Variants in CASP10 observed in about 807,000 individuals in gnomAD.
The protein encoded by CASP10 is caspase-10.
CASP10 carries 41 observed loss-of-function variants against 48.5 expected under a neutral mutation model. The observed-to-expected ratio is 0.85, with a 90% CI of 0.66 to 1.10. The LOEUF is 1.10. Among genes scored for constraint, CASP10 ranks in the 50% least tolerant of loss-of-function variants. CASP10 has a pLI of 0.00. For missense variants in CASP10, 614 were observed against 614.5 expected, an observed-to-expected ratio of 1.00 and a Z score of 0.01; for synonymous variants, 232 against 238.4, an observed-to-expected ratio of 0.97 and a Z score of 0.25.
downstream of CASP10, among the ~76,000 whole-genome samples, chr2:201,225,134 T>C (rs1945771987): frequency 6.6e-6 from 1 of 152,186 alleles, no homozygotes; most frequent in Non-Finnish European, 1.5e-5. Context: ...TTCAAGGATC[T>C]TCAGTGCCAC....
At chr2:201,207,928 A>G (rs891129907) in intron 7 of CASP10, 147 bp from the exon 8 acceptor site, 1 of 684,820 alleles carries the variant, frequency 1.5e-6, no homozygotes, top group Admixed American at 2.2e-5. Flanking sequence ...ACAAAATAAC[A>G]ACAACAACAA....
downstream of CASP10, among the ~76,000 whole-genome samples, chr2:201,222,225 T>C: frequency 6.6e-6 from 1 of 151,144 alleles, no homozygotes; most frequent in East Asian, 1.9e-4. Flanking sequence ...TCATTCTTTT[T>C]TTTTTTTTTT....
intron 6 of CASP10, among the ~76,000 whole-genome samples, chr2:201,205,219 T>G (rs1048044116): frequency 1.3e-5 from 2 of 148,814 alleles, no homozygotes; most frequent in Non-Finnish European, 3.0e-5. Context: ...TTTTCTTTTC[T>G]TTTCTTTTCT....
chr2:201,222,417 A>G (rs540257220), downstream of CASP10, among the ~76,000 whole-genome samples: 129 of 152,108 alleles, frequency 8.5e-4, no homozygotes, highest in African/African-American at 2.8e-3. Context: ...GGGTTTTGCC[A>G]TTTTGGCCAG....
At position 201,221,015 on chromosome 2, in the gene CASP10, A is replaced by G. The variant is rs1280335910; in HGVS notation, c.*3274A>G. The G allele has an allele frequency of 1.0e-6, 1 of 985,308 alleles. No individual in the cohort carries two copies. The highest frequency in any genetic ancestry group is 1.7e-5 in the African/African-American group (1 of 57,242). The allele number at this position is 985,308 out of a possible 1,614,324, so 61.0% of individuals were successfully genotyped here. A position where few individuals can be genotyped will look rare whatever the true frequency, so the allele number is the denominator to read the frequency against. On this transcript the variant is annotated 3_prime_UTR_variant, in exon 10 of 10. Transcript: ENST00000286186. ...TTAGCTGTTGGGAAGACGAAAAAGA[A>G]TGTGTCCTATGTGTGCATCTATTTA... is the stretch of plus-strand genomic sequence containing the variant.
intron 5 of CASP10, chr2:201,200,422 A>C (rs1040075909): frequency 6.9e-6 from 11 of 1,597,594 alleles, no homozygotes; most frequent in Non-Finnish European, 9.3e-6. Context: ...ACTGTAAAGA[A>C]GGACCCTCCT....
chr2:201,212,972 G>A (rs1945448616), intron 9 of CASP10: 1 of 152,136 alleles, frequency 6.6e-6, no homozygotes, highest in South Asian at 2.1e-4. Flanking sequence ...GCATGCGACA[G>A]CTATTTTTAC....
intron 6 of CASP10, among the ~76,000 whole-genome samples, chr2:201,204,498 C>T (rs1487754200): frequency 6.6e-6 from 1 of 152,178 alleles, no homozygotes; most frequent in Non-Finnish European, 1.5e-5. Flanking sequence ...ACATACTAGG[C>T]ACTGTTCAGA....
intron 9 of CASP10, chr2:201,214,287 G>T (rs1945498527): frequency 2.0e-5 from 3 of 152,276 alleles, no homozygotes; most frequent in Non-Finnish European, 4.4e-5. Flanking sequence ...AGGGATAAGT[G>T]TAGCTTCAAA....
At chr2:201,216,926 A>G (rs1373862413) in intron 9 of CASP10, among the ~76,000 whole-genome samples, 1 of 152,184 alleles carries the variant, frequency 6.6e-6, no homozygotes, top group South Asian at 2.1e-4. Context: ...CTCAAATGCT[A>G]CCATCTGCAT....
chr2:201,217,076 A>G (rs990233124), intron 9 of CASP10, among the ~76,000 whole-genome samples: 1 of 152,164 alleles, frequency 6.6e-6, no homozygotes, highest in African/African-American at 2.4e-5. Context: ...TAAATGTTTC[A>G]TATCTGCATT....
chr2:201,202,238 A>T (rs908125311), intron 5 of CASP10, among the ~76,000 whole-genome samples: 9 of 152,148 alleles, frequency 5.9e-5, no homozygotes, highest in Non-Finnish European at 7.4e-5. Flanking sequence ...CTTCTTTATA[A>T]GGCCTTATTG....
intron 6 of CASP10, 40 bp downstream of exon 6, chr2:201,203,806 ATGG>A (rs771789681): frequency 6.7e-7 from 1 of 1,500,214 alleles, no homozygotes. Context: ...TTAGATCGGT[ATGG>A]TAGGGATAGA....
intron 5 of CASP10, among the ~76,000 whole-genome samples, chr2:201,201,153 G>A (rs1945005577): frequency 6.6e-6 from 1 of 152,032 alleles, no homozygotes; most frequent in African/African-American, 2.4e-5. Flanking sequence ...GGGTTCAAAT[G>A]ATTCTCATGC....
intron 6 of CASP10, among the ~76,000 whole-genome samples, chr2:201,205,001 G>A (rs150652282): frequency 6.6e-6 from 1 of 152,124 alleles, no homozygotes. Context: ...ACAGAGTTTG[G>A]TGGGTTCTAC....
intron 9 of CASP10, chr2:201,214,697 T>C (rs1945512764): frequency 6.6e-6 from 1 of 152,156 alleles, no homozygotes; most frequent in South Asian, 2.1e-4. Flanking sequence ...GTCTAAGCCA[T>C]ATATGTTGGA....
intron 5 of CASP10, chr2:201,200,724 A>C (rs1576105139): frequency 8.0e-7 from 1 of 1,251,204 alleles, no homozygotes; most frequent in Non-Finnish European, 1.0e-6. Flanking sequence ...AAATGGTAAC[A>C]CCTCCGCCTG....
At chr2:201,192,715 T>C (rs1944653072) in intron 3 of CASP10, among the ~76,000 whole-genome samples, 1 of 152,206 alleles carries the variant, frequency 6.6e-6, no homozygotes, top group African/African-American at 2.4e-5. Context: ...TAATATCTAC[T>C]TATTCAGTTG....
downstream of CASP10, among the ~76,000 whole-genome samples, chr2:201,224,204 C>G (rs1367023242): frequency 6.6e-6 from 1 of 151,994 alleles, no homozygotes; most frequent in African/African-American, 2.4e-5. Context: ...ATCTCCTGAC[C>G]TCGTGATCCG....
Sources: gnomAD v4.1 joint callset for allele counts (sites outside exome capture counted in the v4.1 genomes callset) on GRCh38, gnomAD v4.1.1 for gene constraint, MANE v1.5 for transcripts, NCBI Gene and HGNC (gene_info 2026-07-23, HGNC 2026-07-21) for gene names.